Variants in COG1 observed in about 807,000 individuals in gnomAD.
COG1 encodes conserved oligomeric Golgi complex subunit 1.
A neutral mutation model predicts 102.2 loss-of-function variants in COG1; 61 were observed. That is an observed-to-expected ratio of 0.60 (90% CI 0.49 to 0.74). The LOEUF is 0.74. Ranked by LOEUF, COG1 falls within the 30% of genes least tolerant of loss-of-function variation. The pLI is 0.00. For missense variants in COG1, 1,164 were observed against 1,232.1 expected, an observed-to-expected ratio of 0.94 and a Z score of 0.83; for synonymous variants, 454 against 493.6, an observed-to-expected ratio of 0.92 and a Z score of 1.06.
At chr17:73,193,757 G>A (rs990611064) in intron 1 of COG1, among the ~76,000 whole-genome samples, 2 of 152,038 alleles carry the variant, frequency 1.3e-5, no homozygotes, top group Admixed American at 6.5e-5. Context: ...TTTTTCCTCA[G>A]GTTTCTCCCC....
chr17:73,199,875 T>G lies in COG1; in HGVS notation c.924T>G (p.Thr308=). The change falls in exon 5 of 14, where the codon ACT becomes ACG. Residue 308 remains threonine (T), a synonymous_variant. Transcript: ENST00000299886. ...ITGQHPAGKG[T]GVLQEEMKLC... The stretch of plus-strand genomic sequence containing the variant: ...TGGCCTTCTCTTTAGGAAAGGGCAC[T>G]GGTGTCCTGCAGGAAGAGATGAAAC... The G allele has an allele frequency of 6.2e-7, 1 of 1,614,196 alleles. No homozygotes were observed. The highest frequency in any genetic ancestry group is 8.5e-7 in the Non-Finnish European group (1 of 1,180,042).
In COG1 at chr17:73,200,586, A is replaced by G. The variant is rs1481029016; in HGVS notation, c.1091A>G (p.Asn364Ser). The change falls in exon 6 of 14, where the codon AAT becomes AGT. Residue 364 changes from asparagine (N) to serine (S), a missense_variant. Transcript: ENST00000299886. ...WIHMCNEDIKNGITNLLMYVK... is the reference protein window; with the variant it reads ...WIHMCNEDIKSGITNLLMYVK... ...TGCAGGTGTAATGAAGACATTAAAA[A>G]TGGGATCACCAACCTGCTCATGTAC... is the stretch of plus-strand genomic sequence containing the variant. The G allele has an allele frequency of 1.9e-6, 3 of 1,614,092 alleles. No individual in the cohort carries two copies. The African/African-American group carries it at 4.0e-5, about 22-fold the overall frequency.
intron 5 of COG1, 61 bp from the exon 6 acceptor site, chr17:73,200,502 TTTC>T: frequency 7.4e-7 from 1 of 1,359,150 alleles, no homozygotes. Context: ...TTCTGATGTT[TTTC>T]TTAATAAAGA....
In COG1 at chr17:73,201,354, C is replaced by T; in HGVS notation, c.1527C>T (p.Ala509=). 6.2e-7 allele frequency: 1 copy of T among 1,614,220 alleles called. No individual in the cohort carries two copies. The highest frequency in any genetic ancestry group is 8.5e-7 in the Non-Finnish European group (1 of 1,180,036). Residue 509 remains alanine, a synonymous_variant, in exon 7 of 14, where the codon GCC becomes GCT. Transcript: ENST00000299886. ...GCGGCCTCTCCATGAAAGCACAAGC[C>T]ATCAGCCCTTGTGTACAGAACTTCT... is the stretch of plus-strand genomic sequence containing the variant. The part of the protein sequence containing the change: ...ASSGLSMKAQ[A]ISPCVQNFCS...
Position 73,199,964 on chromosome 17 carries a change from T to C in COG1, c.1013T>C (p.Leu338Pro), listed in dbSNP as rs759941239. The C allele has an allele frequency of 5.6e-6, 9 of 1,614,014 alleles. No individual in the cohort carries two copies. The highest frequency in any genetic ancestry group is 6.8e-6 in the Non-Finnish European group (8 of 1,180,024). ...IVEFQPTLRT[L>P]AHPISQEYLK... Reference sequence around the variant, plus strand: ...GAGTTCCAGCCAACACTCCGAACCCTTGCACATCCCATCAGTCAGGAATAC... The same window carrying C: ...GAGTTCCAGCCAACACTCCGAACCCCTGCACATCCCATCAGTCAGGAATAC... The change falls in exon 5 of 14, where the codon CTT becomes CCT. Residue 338 changes from leucine (L) to proline (P), a missense_variant. Physicochemically the swap from Leu to Pro is moderately conservative, Grantham distance 98. Transcript: ENST00000299886.
chr17:73,207,289 A>G, intron 13 of COG1, 33 bp downstream of exon 13: 1 of 1,601,010 alleles, frequency 6.2e-7, no homozygotes, highest in South Asian at 1.1e-5. Context: ...TCATCCGTGG[A>G]TGGGTCCCCA....
chr17:73,195,799 G>A (rs2145091737), intron 1 of COG1, among the ~76,000 whole-genome samples: 1 of 152,262 alleles, frequency 6.6e-6, no homozygotes, highest in Admixed American at 6.5e-5. Context: ...TGCGATCCCA[G>A]CTACTCAGGA....
At chr17:73,193,517 G>T (rs908966272) in intron 1 of COG1, 133 bp downstream of exon 1, 4 of 838,580 alleles carry the variant, frequency 4.8e-6, no homozygotes, top group Admixed American at 8.0e-5. Flanking sequence ...GAGCCTATCC[G>T]CCCCTCACCC....
At chr17:73,193,863 A>G (rs531190577) in intron 1 of COG1, among the ~76,000 whole-genome samples, 2 of 152,014 alleles carry the variant, frequency 1.3e-5, no homozygotes, top group East Asian at 3.9e-4. Context: ...TAGCTGTTCT[A>G]CCCTTTGGGA....
rs754370682 is a variant in COG1 at position 73,196,508 on chromosome 17, C to T, written c.317C>T (p.Pro106Leu). The change falls in exon 2 of 14, where the codon CCA becomes CTA. Residue 106 changes from proline (P) to leucine (L), a missense_variant and splice_region_variant. Pro to Leu is a moderately conservative substitution (Grantham distance 98, BLOSUM62 -3). Coordinates refer to ENST00000299886, the MANE Select transcript of COG1 (RefSeq NM_018714.3). ...AAPRPPRAQQ[P>L]QQPSQEKFYS... ...TTAGTTCTGTGCCTTCCCCTGCAGC[C>T]ACAGCAGCCATCCCAGGAGAAGTTC... The T allele has an allele frequency of 1.2e-6, 2 of 1,614,142 alleles. No homozygotes were observed. The highest frequency in any genetic ancestry group is 4.5e-5 in the East Asian group (2 of 44,882).
rs140284052 is a variant in COG1, at chr17:73,205,703, A to G, written c.2510+23A>G. On this transcript the variant is annotated intron_variant, in intron 10 of 13. Coordinates refer to ENST00000299886, the MANE Select transcript of COG1 (RefSeq NM_018714.3). Reference sequence around the variant, plus strand: ...CAGGTGTCGTATCCTCTAGGGAGCTATGTCAAGGCGGTCTCTTCCAAAAGC... The same window carrying G: ...CAGGTGTCGTATCCTCTAGGGAGCTGTGTCAAGGCGGTCTCTTCCAAAAGC... 5.2e-4 allele frequency: 841 copies of G among 1,612,946 alleles called. 7 individuals are homozygous for G. In the African/African-American group the frequency reaches 9.6e-3, roughly 18 times the overall value.
At chr17:73,207,460 A>G (rs1568299617) in intron 13 of COG1, 3 of 686,494 alleles carry the variant, frequency 4.4e-6, no homozygotes, top group Middle Eastern at 2.8e-4. Context: ...CGCTGACACT[A>G]CCAAGTAGCC....
chr17:73,206,638 C>CT (rs75205063), intron 11 of COG1, 70 bp from the exon 12 acceptor site: 20,241 of 817,204 alleles, frequency 0.025, 140 homozygotes, highest in African/African-American at 0.073. Context: ...GGTGACTAAC[C>CT]TTTTTTTTTT....
chr17:73,203,479 C>G, intron 8 of COG1, 153 bp from the exon 9 acceptor site: 2 of 928,356 alleles, frequency 2.2e-6, no homozygotes, highest in Non-Finnish European at 3.4e-6. Context: ...AACCAGGGGC[C>G]TTGTGTCTGC....
chr17:73,202,528 C>T (rs1206271430), intron 7 of COG1, among the ~76,000 whole-genome samples: 1 of 152,150 alleles, frequency 6.6e-6, no homozygotes, highest in Admixed American at 6.5e-5. Context: ...CGGCTCATGC[C>T]TGTAATCCTA....
Position 73,206,713 on chromosome 17 carries a change from G to C in COG1, c.2625G>C (p.Leu875=). The change falls in exon 12 of 14, where the codon CTG becomes CTC. Residue 875 remains leucine, a synonymous_variant. Transcript: ENST00000299886. ...LHRLVQRTSV[L]FGLVTGTENQ... ...CTCCACCTCTTGTCTGCCAGGTTCT[G>C]TTTGGATTGGTGACTGGTACAGAGA... is the stretch of plus-strand genomic sequence containing the variant. 1 of 1,606,570 alleles carries C rather than the reference G, an allele frequency of 6.2e-7. No homozygotes were observed. Among genetic ancestry groups the C allele is most frequent in the Non-Finnish European group, 8.5e-7 (1 of 1,178,202 alleles).
intron 7 of COG1, among the ~76,000 whole-genome samples, 184 bp from the exon 8 acceptor site, chr17:73,202,816 A>C (rs1426603599): frequency 2.6e-5 from 4 of 152,238 alleles, no homozygotes; most frequent in African/African-American, 9.6e-5. Context: ...TGACATTTAT[A>C]GGGTAGTTAG....
intron 9 of COG1, 43 bp downstream of exon 9, chr17:73,203,836 A>T (rs548476393): frequency 1.2e-6 from 2 of 1,609,218 alleles, no homozygotes; most frequent in East Asian, 4.5e-5. Flanking sequence ...CAAATTAAAC[A>T]AAAGAAAACC....
rs1163729945 is a variant in COG1, at chr17:73,193,163, G to T, written c.94G>T (p.Gly32Trp). The change falls in exon 1 of 14, where the codon GGG becomes TGG. Residue 32 changes from glycine to tryptophan, a missense_variant. Transcript: ENST00000299886. ...FETHGAEEIR[G>W]LERQVRAEIE... Reference sequence around the variant, plus strand: ...GACGCATGGAGCGGAGGAGATCCGCGGGCTGGAGCGCCAGGTTCGGGCCGA... The same window carrying T: ...GACGCATGGAGCGGAGGAGATCCGCTGGCTGGAGCGCCAGGTTCGGGCCGA... 6.2e-7 allele frequency: 1 copy of T among 1,608,176 alleles called. No homozygotes were observed. Among genetic ancestry groups the T allele is most frequent in the Non-Finnish European group, 8.5e-7 (1 of 1,177,992 alleles).
Sources: allele counts gnomAD v4.1 joint callset (sites outside exome capture counted in the v4.1 genomes callset), GRCh38; gene constraint gnomAD v4.1.1; transcripts MANE v1.5; gene names NCBI Gene and HGNC (gene_info 2026-07-23, HGNC 2026-07-21).